The following MYO9A variants were observed in gnomAD, a reference collection of about 807,000 sequenced individuals.
The protein encoded by MYO9A is unconventional myosin-IXa.
In MYO9A, 103 loss-of-function variants were observed where a neutral mutation model predicts 293.3. The ratio of observed to expected loss-of-function variants is 0.35; its 90% confidence interval spans 0.30 to 0.41. The LOEUF (loss-of-function observed/expected upper bound fraction) is 0.41, where lower values mean the gene tolerates loss of function less well. Among genes scored for constraint, MYO9A ranks in the 10% least tolerant of loss-of-function variants. The pLI, the probability that MYO9A is intolerant of heterozygous loss-of-function variation, is 1.00. For missense variants in MYO9A, 2,685 were observed against 3,033.0 expected, an observed-to-expected ratio of 0.89 and a Z score of 2.69; for synonymous variants, 1,001 against 1,035.7, an observed-to-expected ratio of 0.97 and a Z score of 0.64.
chr15:71,827,787 G>T, intron 41 of MYO9A, 97 bp downstream of exon 41: 1 of 1,316,124 alleles, frequency 7.6e-7, no homozygotes, highest in Non-Finnish European at 1.0e-6. Context: ...CTGATGTACA[G>T]TCAGTAAATT....
At chr15:71,873,317 T>C (rs1481359832) in intron 32 of MYO9A, among the ~76,000 whole-genome samples, 1 of 152,240 alleles carries the variant, frequency 6.6e-6, no homozygotes, top group African/African-American at 2.4e-5. Context: ...CTAATTTATT[T>C]AATCATTTCC....
chr15:71,915,276 A>C (rs1038524661), intron 19 of MYO9A, among the ~76,000 whole-genome samples: 14 of 152,120 alleles, frequency 9.2e-5, no homozygotes, highest in Middle Eastern at 3.2e-3. Context: ...CTATCTTCTC[A>C]TTCTTCCCAA....
Position 71,898,847 on chromosome 15 carries a change from C to T in MYO9A, c.3656G>A (p.Ser1219Asn). ...CKSVIESNRI[S>N]RESSVDCLKE... ...CAAGCAGTCCACTGAACTTTCACGG[C>T]TAATTCGATTACTCTCTATTACAGA... is the stretch of plus-strand genomic sequence containing the variant. The change falls in exon 25 of 42, where the codon AGC (serine) becomes AAC (asparagine). Residue 1219 changes from serine to asparagine, a missense_variant. Physicochemically the swap from Ser to Asn is conservative, Grantham distance 46. Around this residue, in one of 10 missense-constraint regions of MYO9A, gnomAD observed 1,434 missense variants for 1,497.7 expected, o/e 0.96. Transcript: ENST00000356056. The T allele has an allele frequency of 1.2e-6, 2 of 1,614,102 alleles. No homozygotes were observed. The highest frequency in any genetic ancestry group is 1.7e-6 in the Non-Finnish European group (2 of 1,180,016).
At chr15:72,118,254 GC>G (rs1208900210), upstream of MYO9A, 2 of 316,930 alleles carry the variant, frequency 6.3e-6, no homozygotes, top group Non-Finnish European at 1.1e-5. Flanking sequence ...GCGCAGACAC[GC>G]CCCCTTTCCT....
chr15:72,045,496 C>A (rs2078357672), intron 2 of MYO9A: 2 of 346,602 alleles, frequency 5.8e-6, no homozygotes, highest in East Asian at 9.7e-5. Flanking sequence ...GAACTCCTGA[C>A]CTCAGGTGAT....
chr15:71,982,005 A>ATTTTTTT lies in MYO9A; in HGVS notation c.1723-3720_1723-3714dup, dbSNP rs750930471. On this transcript the variant is annotated intron_variant, in intron 11 of 41. Transcript: ENST00000356056. ...TTGTTCAACCTCTAGCCTATTTAGAATTTTTTTTTTTTTTTTTTTTTTTTT... is the reference window on the plus strand; with the variant it reads ...TTGTTCAACCTCTAGCCTATTTAGAATTTTTTTTTTTTTTTTTTTTTTTTTTTTTTTT... 2.8e-4 allele frequency among the ~76,000 whole-genome samples: 16 copies of ATTTTTTT among 56,310 alleles called. 1 individual carries two copies. The highest frequency in any genetic ancestry group is 1.0e-3 in the African/African-American group (12 of 11,496). 36.9% of individuals were successfully genotyped at this position (56,310 alleles called of 152,430 possible).
At chr15:71,950,875 G>T (rs74022488) in intron 15 of MYO9A, among the ~76,000 whole-genome samples, 480 of 152,264 alleles carry the variant, frequency 3.2e-3, no homozygotes, top group African/African-American at 0.011. Flanking sequence ...AGATTATGTA[G>T]GTCCATTATA....
intron 16 of MYO9A, among the ~76,000 whole-genome samples, chr15:71,937,524 T>C (rs1421621776): frequency 2.0e-5 from 3 of 152,164 alleles, no homozygotes; most frequent in African/African-American, 4.8e-5. Flanking sequence ...AAGGTGTGTA[T>C]GTATTTTTTA....
chr15:71,923,585 G>A (rs1365683852), intron 18 of MYO9A, among the ~76,000 whole-genome samples: 1 of 152,086 alleles, frequency 6.6e-6, no homozygotes, highest in Non-Finnish European at 1.5e-5. Context: ...TTCAATTTTG[G>A]TAGGTTGTAT....
chr15:71,969,179 C>T (rs1449993031), intron 12 of MYO9A, among the ~76,000 whole-genome samples: 3 of 152,220 alleles, frequency 2.0e-5, no homozygotes, highest in Admixed American at 6.5e-5. Context: ...ATCTGGCAAC[C>T]GCAGGCATCC....
At position 71,854,320 on chromosome 15, in the gene MYO9A, T is replaced by C. The variant is rs115844073; in HGVS notation, c.6346+57A>G. The C allele has an allele frequency of 2.0e-3, 2,610 of 1,292,590 alleles. 37 individuals are homozygous for C. The African/African-American group carries it at 0.034, about 17-fold the overall frequency. 80.1% of individuals were successfully genotyped at this position (1,292,590 alleles called of 1,614,324 possible). On this transcript the variant is annotated intron_variant, in intron 35 of 41. Coordinates refer to ENST00000356056, the MANE Select transcript of MYO9A (RefSeq NM_006901.4). ...ACATGTAATGAAAACTTTAAGAGCA[T>C]GAAAGGAACTATTTAAATAAAAGTA...
intron 13 of MYO9A, among the ~76,000 whole-genome samples, chr15:71,964,768 AGAGT>A (rs2075830558): frequency 6.6e-6 from 1 of 151,878 alleles, no homozygotes; most frequent in Admixed American, 6.6e-5. Flanking sequence ...GCCGGGTGAC[AGAGT>A]GAGACTCCAT....
chr15:72,030,138 A>C (rs1192970476), intron 3 of MYO9A, among the ~76,000 whole-genome samples: 1 of 152,156 alleles, frequency 6.6e-6, no homozygotes, highest in Non-Finnish European at 1.5e-5. Context: ...ATTAAAATTT[A>C]TTTCTTTTTC....
intron 2 of MYO9A, among the ~76,000 whole-genome samples, chr15:72,038,237 T>C (rs938234995): frequency 2.8e-4 from 42 of 152,188 alleles, no homozygotes; most frequent in African/African-American, 9.2e-4. Context: ...TACAGAACTC[T>C]TAAATGCACA....
intron 39 of MYO9A, among the ~76,000 whole-genome samples, chr15:71,831,056 G>T (rs2054706263): frequency 6.9e-6 from 1 of 144,454 alleles, no homozygotes; most frequent in Non-Finnish European, 1.5e-5. Context: ...AAACTTTTTA[G>T]GTTAATCTCC....
chr15:72,015,699 T>C (rs2077313697), intron 6 of MYO9A, among the ~76,000 whole-genome samples: 1 of 149,166 alleles, frequency 6.7e-6, no homozygotes, highest in Non-Finnish European at 1.5e-5. Context: ...TTTTTTTTTT[T>C]TTTTTTGAGA....
At chr15:71,878,414 G>A (rs2056760392) in intron 30 of MYO9A, among the ~76,000 whole-genome samples, 183 bp from the exon 31 acceptor site, 1 of 152,166 alleles carries the variant, frequency 6.6e-6, no homozygotes, top group African/African-American at 2.4e-5. Flanking sequence ...TGGGATGAAT[G>A]CAGAATCAAA....
At chr15:71,904,171 A>C (rs1180728065) in intron 20 of MYO9A, 132 bp from the exon 21 acceptor site, 2 of 700,804 alleles carry the variant, frequency 2.9e-6, no homozygotes, top group South Asian at 1.9e-5. Flanking sequence ...ACAGTAACTA[A>C]GTATATTAAG....
At chr15:71,934,096 A>G (rs1435615808) in intron 17 of MYO9A, among the ~76,000 whole-genome samples, 2 of 152,156 alleles carry the variant, frequency 1.3e-5, no homozygotes, top group Admixed American at 1.3e-4. Flanking sequence ...AAAAAAACGT[A>G]CTTATCACCA....
Sources: gnomAD v4.1 joint callset for allele counts (sites outside exome capture counted in the v4.1 genomes callset) on GRCh38, gnomAD v4.1.1 for gene constraint, gnomAD v4.1.1 regional missense constraint, MANE v1.5 for transcripts, NCBI Gene and HGNC (gene_info 2026-07-23, HGNC 2026-07-21) for gene names.